Variants in CYFIP2 observed in about 807,000 individuals in gnomAD.
CYFIP2 encodes the protein cytoplasmic FMR1 interacting protein 2, also known as cytoplasmic FMR1-interacting protein 2.
In CYFIP2, 29 loss-of-function variants were observed where a neutral mutation model predicts 158.7. That is an observed-to-expected ratio of 0.18 (90% CI 0.14 to 0.25). The LOEUF is 0.25. Among genes scored for constraint, CYFIP2 ranks in the 10% least tolerant of loss-of-function variants. The pLI is 1.00. For missense variants in CYFIP2, 852 were observed against 1,639.5 expected (o/e 0.52, Z 8.29); for synonymous variants, 585 against 617.6 (o/e 0.95, Z 0.78).
In CYFIP2 at chr5:157,393,208, A is replaced by C. The variant is rs1581220071; in HGVS notation, c.*208A>C. On this transcript the variant is annotated 3_prime_UTR_variant, in exon 31 of 31. Coordinates refer to ENST00000620254, the MANE Select transcript of CYFIP2 (RefSeq NM_001037333.3). ...TGCTGGTTTCTCCATAGCATAAATGAAAAAAAAAAAAAAAAAGTAAACAGG... is the reference window on the plus strand; with the variant it reads ...TGCTGGTTTCTCCATAGCATAAATGCAAAAAAAAAAAAAAAAGTAAACAGG... The C allele has an allele frequency of 3.0e-5, 1 of 32,946 alleles. No homozygotes were observed. Among genetic ancestry groups the C allele is most frequent in the Non-Finnish European group, 5.1e-5 (1 of 19,586 alleles). The allele number at this position is 32,946 out of a possible 1,614,324, so 2.0% of individuals were successfully genotyped here.
At chr5:157,301,305 A>T (rs746448714) in intron 6 of CYFIP2, among the ~76,000 whole-genome samples, 1 of 152,234 alleles carries the variant, frequency 6.6e-6, no homozygotes, top group Non-Finnish European at 1.5e-5. Context: ...CAGAAAGTCC[A>T]GGTACACCTG....
intron 23 of CYFIP2, among the ~76,000 whole-genome samples, chr5:157,356,453 A>G (rs1174759435): frequency 2.6e-5 from 4 of 152,242 alleles, no homozygotes; most frequent in African/African-American, 9.6e-5. Flanking sequence ...GAAGGGACGC[A>G]TTCAGTGCAC....
chr5:157,353,689 T>C (rs1424923513), intron 23 of CYFIP2, among the ~76,000 whole-genome samples: 1 of 152,224 alleles, frequency 6.6e-6, no homozygotes, highest in East Asian at 1.9e-4. Context: ...TTACCTGCAG[T>C]GATTTTAGGG....
chr5:157,349,582 G>A (rs1010955706), intron 23 of CYFIP2, among the ~76,000 whole-genome samples: 4 of 152,216 alleles, frequency 2.6e-5, no homozygotes, highest in African/African-American at 9.6e-5. Context: ...ATAAACATGC[G>A]TGTGCAATAT....
In CYFIP2 at chr5:157,285,840, A is replaced by G. The variant is rs6883933; in HGVS notation, c.117+362A>G. Among the ~76,000 whole-genome samples, 1,464 of 152,302 alleles carry G rather than the reference A, an allele frequency of 9.6e-3. 27 individuals carry two copies. Among genetic ancestry groups the G allele is most frequent in the African/African-American group, 0.033 (1,372 of 41,554 alleles). ...CTGGGTAATTACTTTTCCTTCATGC[A>G]TGTGAGGAGGGCACTACAACACCTC... On this transcript the variant is annotated intron_variant, in intron 2 of 30. Transcript: ENST00000620254.
intron 23 of CYFIP2, among the ~76,000 whole-genome samples, chr5:157,352,939 G>A (rs967194694): frequency 6.6e-6 from 1 of 152,216 alleles, no homozygotes; most frequent in African/African-American, 2.4e-5. Context: ...GAAGATTGGA[G>A]TGGTGCAGCT....
chr5:157,340,999 T>G, intron 22 of CYFIP2, 71 bp from the exon 23 acceptor site: 1 of 1,444,906 alleles, frequency 6.9e-7, no homozygotes, highest in Non-Finnish European at 9.7e-7. Context: ...GAAGCACTCC[T>G]GTTATCTGTG....
At chr5:157,389,159 TAGA>T (rs1312491536) in intron 28 of CYFIP2, 27 bp from the exon 29 acceptor site, 3 of 1,561,488 alleles carry the variant, frequency 1.9e-6, no homozygotes, top group African/African-American at 2.7e-5. Flanking sequence ...AAGATGTGGA[TAGA>T]AGGTGTATGT....
chr5:157,387,354 T>TG (rs926376600), intron 28 of CYFIP2, among the ~76,000 whole-genome samples: 6 of 152,160 alleles, frequency 3.9e-5, no homozygotes, highest in South Asian at 4.1e-4. Flanking sequence ...CTGTAGTGGG[T>TG]GGGGGGCACC....
intron 6 of CYFIP2, among the ~76,000 whole-genome samples, chr5:157,301,484 A>G (rs190045455): frequency 6.6e-6 from 1 of 152,178 alleles, no homozygotes; most frequent in African/African-American, 2.4e-5. Context: ...TCTCCTTCCA[A>G]ATACTTTCAT....
intron 30 of CYFIP2, among the ~76,000 whole-genome samples, chr5:157,390,988 C>T (rs1483258745): frequency 2.0e-5 from 3 of 152,062 alleles, no homozygotes; most frequent in African/African-American, 7.2e-5. Flanking sequence ...CAGAGTTGTA[C>T]GGGGCACCTG....
At chr5:157,300,969 A>G (rs1758696681) in intron 6 of CYFIP2, 73 bp downstream of exon 6, 2 of 1,345,722 alleles carry the variant, frequency 1.5e-6, no homozygotes, top group South Asian at 3.1e-5. Context: ...AAGTGGAGGA[A>G]GAGAATGGAG....
intron 26 of CYFIP2, among the ~76,000 whole-genome samples, chr5:157,366,368 T>C (rs1764372124): frequency 6.6e-6 from 1 of 152,240 alleles, no homozygotes; most frequent in Non-Finnish European, 1.5e-5. Flanking sequence ...GAATAGAAGT[T>C]CTTGAGGCTT....
intron 5 of CYFIP2, among the ~76,000 whole-genome samples, chr5:157,297,557 C>A (rs866899270): frequency 4.6e-5 from 7 of 152,160 alleles, no homozygotes; most frequent in South Asian, 4.1e-4. Flanking sequence ...CATGGACCTG[C>A]CTTCGGGAGC....
In CYFIP2 at chr5:157,311,987, A is replaced by C. The variant is rs1312873704; in HGVS notation, c.1110+206A>C. On this transcript the variant is annotated intron_variant, in intron 11 of 30. Transcript: ENST00000620254. This position sits in a 1 kb window ranked among gnomAD's most constrained non-coding sequence, Gnocchi z 4.7. Reference sequence around the variant, plus strand: ...GCTGCTGCCCTTTGTAAGTTATTCAACATCTCTTTGCTTCAATTTCCTCAT... The same window carrying C: ...GCTGCTGCCCTTTGTAAGTTATTCACCATCTCTTTGCTTCAATTTCCTCAT... Among the ~76,000 whole-genome samples, 4 of 152,200 alleles carry C rather than the reference A, an allele frequency of 2.6e-5. No homozygotes were observed. Among genetic ancestry groups the C allele is most frequent in the Non-Finnish European group, 5.9e-5 (4 of 68,034 alleles).
chr5:157,291,634 C>A (rs1757824856), intron 3 of CYFIP2, among the ~76,000 whole-genome samples: 1 of 152,336 alleles, frequency 6.6e-6, no homozygotes, highest in South Asian at 2.1e-4. Flanking sequence ...TGTTCTGAGG[C>A]AGATGACTGC....
intron 8 of CYFIP2, 117 bp from the exon 9 acceptor site, chr5:157,307,636 GGTGTGTGT>G (rs144622623): frequency 3.3e-5 from 14 of 428,468 alleles, no homozygotes; most frequent in Middle Eastern, 4.8e-4. Context: ...GTCTCTACAG[GGTGTGTGT>G]GTGTGTGTGT....
chr5:157,319,657 C>T (rs2113099884), intron 13 of CYFIP2, 105 bp from the exon 14 acceptor site: 2 of 1,421,034 alleles, frequency 1.4e-6, no homozygotes, highest in South Asian at 1.3e-5. Context: ...GGCCTCATGC[C>T]TCTGGACATC....
chr5:157,273,449 G>C (rs923609768), intron 1 of CYFIP2, among the ~76,000 whole-genome samples: 5 of 152,234 alleles, frequency 3.3e-5, no homozygotes, highest in African/African-American at 1.2e-4. Context: ...TTACTCCAGG[G>C]TGGGGCAGCC....
Sources: gnomAD v4.1 joint callset for allele counts (sites outside exome capture counted in the v4.1 genomes callset) on GRCh38, gnomAD v4.1.1 for gene constraint, Gnocchi (gnomAD v3.1) non-coding constraint, MANE v1.5 for transcripts, NCBI Gene and HGNC (gene_info 2026-07-23, HGNC 2026-07-21) for gene names.